Variants in SNTB2 observed in about 807,000 individuals in gnomAD.
SNTB2 encodes syntrophin beta 2, also known as beta-2-syntrophin.
A neutral mutation model predicts 46.2 loss-of-function variants in SNTB2; 34 were observed. The ratio of observed to expected loss-of-function variants is 0.74; its 90% CI spans 0.56 to 0.98. The LOEUF (loss-of-function observed/expected upper bound fraction) is 0.98, where lower values mean the gene tolerates loss of function less well. SNTB2 is among the 50% of genes least tolerant of loss of function. The pLI is 0.00. For missense variants in SNTB2, 603 were observed against 731.4 expected, an observed-to-expected ratio of 0.82 and a Z score of 2.02; for synonymous variants, 290 against 312.6, an observed-to-expected ratio of 0.93 and a Z score of 0.76.
At chr16:69,217,243 G>A (rs939958233) in intron 1 of SNTB2, among the ~76,000 whole-genome samples, 3 of 152,086 alleles carry the variant, frequency 2.0e-5, no homozygotes, top group Admixed American at 2.0e-4. Flanking sequence ...GGAGGCCGAG[G>A]TGGGCAGATT....
At chr16:69,269,567 T>C (rs2143117263) in intron 3 of SNTB2, among the ~76,000 whole-genome samples, 1 of 152,244 alleles carries the variant, frequency 6.6e-6, no homozygotes, top group East Asian at 1.9e-4. Flanking sequence ...ATAAGAGAGT[T>C]GTGTTATTTG....
At chr16:69,270,352 A>T (rs1567411495) in intron 4 of SNTB2, 67 bp downstream of exon 4, 1 of 1,582,264 alleles carries the variant, frequency 6.3e-7, no homozygotes, top group Non-Finnish European at 8.7e-7. Flanking sequence ...AGAATTTTAA[A>T]GTGAATTCTG....
chr16:69,248,464 T>C (rs1964692193), intron 2 of SNTB2, among the ~76,000 whole-genome samples: 1 of 152,130 alleles, frequency 6.6e-6, no homozygotes, highest in East Asian at 1.9e-4. Context: ...TGAAACCCTG[T>C]CTCCACTAAA....
At chr16:69,217,903 C>T (rs1964363875) in intron 1 of SNTB2, among the ~76,000 whole-genome samples, 1 of 152,026 alleles carries the variant, frequency 6.6e-6, no homozygotes, top group Admixed American at 6.6e-5. Flanking sequence ...TAAAAATGAA[C>T]ATGTTGGACT....
At chr16:69,207,265 T>A (rs566537112) in intron 1 of SNTB2, among the ~76,000 whole-genome samples, 2 of 151,352 alleles carry the variant, frequency 1.3e-5, no homozygotes, top group Non-Finnish European at 2.9e-5. Context: ...GTGATTCTCC[T>A]GCCTCGGCTT....
At chr16:69,223,193 T>G (rs1426871320) in intron 1 of SNTB2, among the ~76,000 whole-genome samples, 1 of 126,222 alleles carries the variant, frequency 7.9e-6, no homozygotes, top group African/African-American at 3.7e-5. Flanking sequence ...AACTAAGAAT[T>G]TTTTTTTTTT....
Position 69,299,448 on chromosome 16 carries a change from C to T in SNTB2, c.1346-142C>T, listed in dbSNP as rs978367847. ...GAGCCACCACGCCTAGCACAAAACA[C>T]ACTTTAGAAGTTTCCATACAGGTTA... On this transcript the variant is annotated intron_variant, in intron 5 of 6. Coordinates refer to ENST00000336278, the MANE Select transcript of SNTB2 (RefSeq NM_006750.4). 6.0e-6 allele frequency: 5 copies of T among 830,296 alleles called. No homozygotes were observed. In the African/African-American group the frequency reaches 6.9e-5, roughly 11 times the overall value. The allele number at this position is 830,296 out of a possible 1,614,324, so 51.4% of individuals were successfully genotyped here.
At chr16:69,273,028 T>C (rs1211614602) in intron 4 of SNTB2, among the ~76,000 whole-genome samples, 3 of 151,872 alleles carry the variant, frequency 2.0e-5, no homozygotes, top group Non-Finnish European at 2.9e-5. Flanking sequence ...AAAACCACAG[T>C]GAGATATCAT....
At chr16:69,229,317 G>A (rs558332441) in intron 1 of SNTB2, among the ~76,000 whole-genome samples, 2 of 151,822 alleles carry the variant, frequency 1.3e-5, no homozygotes, top group Non-Finnish European at 2.9e-5. Flanking sequence ...CTACAGGCAC[G>A]TGCCATCACA....
At chr16:69,212,484 G>A (rs1270183445) in intron 1 of SNTB2, among the ~76,000 whole-genome samples, 4 of 150,560 alleles carry the variant, frequency 2.7e-5, no homozygotes, top group Non-Finnish European at 4.4e-5. Context: ...GACTACCGGC[G>A]TGTACCACCA....
rs573306089 is a variant in SNTB2 at position 69,245,729 on chromosome 16, C to A, written c.708C>A (p.His236Gln). 16 of 1,614,098 alleles carry A rather than the reference C, an allele frequency of 9.9e-6. No individual in the cohort carries two copies. The South Asian group carries it at 1.6e-4, about 17-fold the overall frequency. ...GTGAGGACTCTGGTTCGCCAAAACA[C>A]CAGAACAGCACCAAGGACAGGAAGA... is the stretch of plus-strand genomic sequence containing the variant. ...SGSEDSGSPKHQNSTKDRKII... is the reference protein window; with the variant it reads ...SGSEDSGSPKQQNSTKDRKII... Residue 236 changes from histidine to glutamine, a missense_variant, in exon 2 of 7, where the codon CAC becomes CAA. His to Gln is a conservative substitution (Grantham distance 24). Coordinates refer to ENST00000336278, the MANE Select transcript of SNTB2 (RefSeq NM_006750.4).
chr16:69,246,903 TGGGGGGA>T lies in SNTB2; in HGVS notation c.794+1099_794+1105del, dbSNP rs1223035623. Among the ~76,000 whole-genome samples, 172 of 52,392 alleles carry T rather than the reference TGGGGGGA, an allele frequency of 3.3e-3. 1 individual carries two copies. The East Asian group carries it at 0.044, about 13-fold the overall frequency. The allele number at this position is 52,392 out of a possible 152,430, so 34.4% of individuals were successfully genotyped here. A position where few individuals can be genotyped will look rare whatever the true frequency, so the allele number is the denominator to read the frequency against. On this transcript the variant is annotated intron_variant, in intron 2 of 6. Transcript: ENST00000336278. ...TCACACTCTGGGGACTGTGGTGGGG[TGGGGGGA>T]GGGGGGAGGGATAGCATTGGGAGAT...
chr16:69,278,458 T>A (rs111811147), intron 4 of SNTB2, among the ~76,000 whole-genome samples: 4 of 128,904 alleles, frequency 3.1e-5, no homozygotes, highest in African/African-American at 1.5e-4. Flanking sequence ...TTTTGTAGGG[T>A]TTTTTTTTTT....
intron 4 of SNTB2, among the ~76,000 whole-genome samples, chr16:69,272,539 CAAA>C (rs556616496): frequency 8.6e-5 from 5 of 58,158 alleles, no homozygotes; most frequent in Admixed American, 1.8e-4. Context: ...GACTCTGTCT[CAAA>C]AAAAAAAAAA....
At chr16:69,241,623 C>T (rs1964615717) in intron 1 of SNTB2, among the ~76,000 whole-genome samples, 1 of 148,634 alleles carries the variant, frequency 6.7e-6, no homozygotes, top group Non-Finnish European at 1.5e-5. Context: ...CCCGTCTCTA[C>T]TAAAAAAAAA....
Position 69,237,603 on chromosome 16 carries a change from C to CTTTTT in SNTB2, c.581-7986_581-7982dup, listed in dbSNP as rs397706857. On this transcript the variant is annotated intron_variant, in intron 1 of 6. Transcript: ENST00000336278. ...TTTTTTTTTCTTTCTTTCTTTCTTTCTTTTTTTTTTTTTTTTTGAGGCAGA... is the reference window on the plus strand; with the variant it reads ...TTTTTTTTTCTTTCTTTCTTTCTTTCTTTTTTTTTTTTTTTTTTTTTTGAGGCAGA... Among the ~76,000 whole-genome samples the CTTTTT allele has an allele frequency of 5.9e-4, 70 of 118,720 alleles. 1 individual carries two copies. Among genetic ancestry groups the CTTTTT allele is most frequent in the Non-Finnish European group, 9.3e-4 (54 of 57,986 alleles). 77.9% of individuals were successfully genotyped at this position (118,720 alleles called of 152,430 possible).
intron 1 of SNTB2, among the ~76,000 whole-genome samples, chr16:69,244,511 A>AGT (rs1964650229): frequency 6.6e-6 from 1 of 152,340 alleles, no homozygotes; most frequent in South Asian, 2.1e-4. Flanking sequence ...TGTGTGTACC[A>AGT]CTGTGCCCAG....
intron 5 of SNTB2, among the ~76,000 whole-genome samples, chr16:69,298,386 C>T (rs763394898): frequency 2.6e-5 from 4 of 152,080 alleles, no homozygotes; most frequent in Non-Finnish European, 4.4e-5. Context: ...TATCTTCATC[C>T]CAAATGCCAA....
At chr16:69,247,066 A>T (rs997328499) in intron 2 of SNTB2, among the ~76,000 whole-genome samples, 2 of 146,832 alleles carry the variant, frequency 1.4e-5, no homozygotes, top group African/African-American at 2.5e-5. Flanking sequence ...ATATATATAT[A>T]TATTAAAAAA....
Sources: gnomAD v4.1 joint callset for allele counts (sites outside exome capture counted in the v4.1 genomes callset) on GRCh38, gnomAD v4.1.1 for gene constraint, MANE v1.5 for transcripts, NCBI Gene and HGNC (gene_info 2026-07-23, HGNC 2026-07-21) for gene names.